The following GPR158 variants were observed in gnomAD, a reference collection of about 807,000 sequenced individuals.
The protein encoded by GPR158 is G protein-coupled receptor 158, also known as metabotropic glycine receptor.
In GPR158, 30 loss-of-function variants were observed where a neutral mutation model predicts 78.2. The ratio of observed to expected loss-of-function variants is 0.38; its 90% CI spans 0.29 to 0.52. The LOEUF (loss-of-function observed/expected upper bound fraction) is 0.52, where lower values mean the gene tolerates loss of function less well. Ranked by LOEUF, GPR158 falls within the 20% of genes least tolerant of loss-of-function variation. The probability of loss-of-function intolerance (pLI) is 0.83; values close to 1 mark genes in which losing one functional copy is unlikely to be tolerated. For missense variants in GPR158, 1,463 were observed against 1,523.5 expected, an observed-to-expected ratio of 0.96 and a Z score of 0.66; for synonymous variants, 581 against 591.1, an observed-to-expected ratio of 0.98 and a Z score of 0.25.
chr10:25,428,764 A>T (rs1271943733), intron 4 of GPR158, among the ~76,000 whole-genome samples: 1 of 152,068 alleles, frequency 6.6e-6, no homozygotes, highest in Non-Finnish European at 1.5e-5. Flanking sequence ...ATTAATAATT[A>T]AAATTTATGT....
At chr10:25,282,485 A>G (rs185898730) in intron 2 of GPR158, among the ~76,000 whole-genome samples, 2 of 152,234 alleles carry the variant, frequency 1.3e-5, no homozygotes, top group Admixed American at 1.3e-4. Flanking sequence ...TTCTCTTGGT[A>G]TATACCTAGG....
At chr10:25,430,783 T>A (rs1178248453) in intron 4 of GPR158, among the ~76,000 whole-genome samples, 17 of 147,168 alleles carry the variant, frequency 1.2e-4, no homozygotes, top group African/African-American at 3.7e-4. Context: ...ATTTAATAAA[T>A]GGTGCTGGGA....
At chr10:25,352,577 T>A (rs948763647) in intron 2 of GPR158, among the ~76,000 whole-genome samples, 5 of 151,944 alleles carry the variant, frequency 3.3e-5, no homozygotes, top group African/African-American at 1.2e-4. Context: ...TACTTTTGCC[T>A]TTTTAACCAT....
intron 2 of GPR158, among the ~76,000 whole-genome samples, chr10:25,291,324 G>A (rs1490206774): frequency 2.0e-5 from 3 of 151,992 alleles, no homozygotes; most frequent in Non-Finnish European, 2.9e-5. Context: ...TTGAGCAAGC[G>A]CTTAAAGAGG....
rs151007147 is a variant in GPR158 at position 25,341,832 on chromosome 10, G to GAA, written c.1009-54072_1009-54071dup. Among the ~76,000 whole-genome samples, 50 of 147,542 alleles carry GAA rather than the reference G, an allele frequency of 3.4e-4. 1 individual carries two copies. Among genetic ancestry groups the GAA allele is most frequent in the African/African-American group, 1.2e-3 (47 of 39,360 alleles). ...TAAGTCCATCCTTTATATGTATTCT[G>GAA]AAAAAAAACAAAAACAAAAACAAAA... On this transcript the variant is annotated intron_variant, in intron 2 of 10. Transcript: ENST00000376351.
intron 2 of GPR158, among the ~76,000 whole-genome samples, chr10:25,241,357 T>TTTTCTC (rs1564399766): frequency 1.7e-4 from 22 of 126,678 alleles, no homozygotes; most frequent in East Asian, 7.1e-4. Context: ...TCTCTTTTCT[T>TTTTCTC]TTCTCTTTTC....
intron 2 of GPR158, among the ~76,000 whole-genome samples, chr10:25,304,828 T>C (rs1452303513): frequency 6.6e-6 from 1 of 152,212 alleles, no homozygotes; most frequent in Non-Finnish European, 1.5e-5. Context: ...TATAACCTCA[T>C]AAGCCTCAAG....
At chr10:25,408,656 T>C (rs1045810538) in intron 3 of GPR158, among the ~76,000 whole-genome samples, 3 of 152,248 alleles carry the variant, frequency 2.0e-5, no homozygotes, top group Non-Finnish European at 2.9e-5. Flanking sequence ...CATTGTTTTC[T>C]CAGTATCCTA....
At chr10:25,471,997 T>C (rs2130624549) in intron 5 of GPR158, among the ~76,000 whole-genome samples, 2 of 152,326 alleles carry the variant, frequency 1.3e-5, no homozygotes, top group African/African-American at 4.8e-5. Context: ...TTGGCTTTTG[T>C]TGCCATTGCT....
chr10:25,292,723 T>C (rs750014440), intron 2 of GPR158, among the ~76,000 whole-genome samples: 10 of 152,128 alleles, frequency 6.6e-5, no homozygotes, highest in Non-Finnish European at 1.2e-4. Context: ...GCACAGAAAG[T>C]TGCTTTTAAC....
At chr10:25,484,251 T>G (rs1835703268) in intron 5 of GPR158, among the ~76,000 whole-genome samples, 1 of 152,192 alleles carries the variant, frequency 6.6e-6, no homozygotes, top group South Asian at 2.1e-4. Context: ...CCTAGAGCAC[T>G]CTTAGCCCAC....
intron 2 of GPR158, among the ~76,000 whole-genome samples, chr10:25,295,470 G>A (rs1854498104): frequency 6.6e-6 from 1 of 152,162 alleles, no homozygotes; most frequent in African/African-American, 2.4e-5. Context: ...CTGGAGTGCA[G>A]TGGTGGGATC....
chr10:25,519,917 G>A (rs1336979163), intron 5 of GPR158, among the ~76,000 whole-genome samples: 2 of 48,982 alleles, frequency 4.1e-5, no homozygotes, highest in African/African-American at 2.4e-4. Flanking sequence ...CTGAACGTTG[G>A]CCTGCCTTGC....
chr10:25,476,307 G>A (rs1362501783), intron 5 of GPR158, among the ~76,000 whole-genome samples: 1 of 151,360 alleles, frequency 6.6e-6, no homozygotes, highest in Admixed American at 6.6e-5. Flanking sequence ...TTATGGATTA[G>A]TAAAGCACAT....
chr10:25,331,736 G>T (rs905192226), intron 2 of GPR158, among the ~76,000 whole-genome samples: 11 of 152,140 alleles, frequency 7.2e-5, no homozygotes, highest in African/African-American at 1.4e-4. Context: ...CTTGAGTCCC[G>T]CATGCTTTGT....
intron 5 of GPR158, among the ~76,000 whole-genome samples, chr10:25,507,403 A>G (rs1836027726): frequency 6.6e-6 from 1 of 152,186 alleles, no homozygotes; most frequent in Non-Finnish European, 1.5e-5. Flanking sequence ...CTGTCTGTAA[A>G]CAGTTTGGGG....
intron 7 of GPR158, among the ~76,000 whole-genome samples, chr10:25,582,181 A>T (rs1204842038): frequency 2.0e-5 from 3 of 152,126 alleles, no homozygotes; most frequent in African/African-American, 7.2e-5. Context: ...TTGGGTGGGG[A>T]CACAGCCAAA....
chr10:25,274,257 G>A (rs1373412782), intron 2 of GPR158, among the ~76,000 whole-genome samples: 1 of 152,118 alleles, frequency 6.6e-6, no homozygotes, highest in East Asian at 1.9e-4. Flanking sequence ...ACATGGACAT[G>A]CACACAATTT....
intron 2 of GPR158, among the ~76,000 whole-genome samples, chr10:25,387,232 C>T (rs559045146): frequency 3.9e-5 from 6 of 152,042 alleles, no homozygotes; most frequent in East Asian, 1.9e-4. Context: ...TTGAGATGAT[C>T]GTTTGGTTTT....
Sources: allele counts gnomAD v4.1 joint callset (sites outside exome capture counted in the v4.1 genomes callset), GRCh38; gene constraint gnomAD v4.1.1; transcripts MANE v1.5; gene names NCBI Gene and HGNC (gene_info 2026-07-23, HGNC 2026-07-21).